The following DNAH12 variants were observed in gnomAD, a reference collection of about 807,000 sequenced individuals.
DNAH12 encodes dynein axonemal heavy chain 12.
Under a neutral mutation model 371.5 loss-of-function variants are expected in DNAH12, and 285 were observed. The observed-to-expected ratio is 0.77, with a 90% CI of 0.70 to 0.85. DNAH12 has a LOEUF of 0.85. DNAH12 is among the 40% of genes least tolerant of loss of function. The pLI is 0.00. For missense variants in DNAH12, 3,611 were observed against 3,689.4 expected (o/e 0.98, Z 0.55); for synonymous variants, 1,200 against 1,213.0 (o/e 0.99, Z 0.22).
At chr3:57,342,484 C>CTAAAAAAAAAA (rs782217736) in intron 60 of DNAH12, among the ~76,000 whole-genome samples, 1 of 66,038 alleles carries the variant, frequency 1.5e-5, no homozygotes, top group Non-Finnish European at 2.7e-5. Context: ...ACTAAAAATA[C>CTAAAAAAAAAA]AAAAAAAAAA....
chr3:57,329,620 C>G (rs1346996359), intron 62 of DNAH12, among the ~76,000 whole-genome samples: 1 of 147,418 alleles, frequency 6.8e-6, no homozygotes, highest in African/African-American at 2.6e-5. Context: ...TAGAAGAAAA[C>G]CTAGGCATTA....
At chr3:57,487,810 A>G (rs183022581) in intron 12 of DNAH12, among the ~76,000 whole-genome samples, 1 of 152,324 alleles carries the variant, frequency 6.6e-6, no homozygotes, top group East Asian at 1.9e-4. Flanking sequence ...TTCCAGAAAA[A>G]TCACAGATAC....
intron 12 of DNAH12, among the ~76,000 whole-genome samples, chr3:57,484,355 T>C (rs1272221070): frequency 1.3e-5 from 2 of 152,166 alleles, no homozygotes; most frequent in Non-Finnish European, 2.9e-5. Flanking sequence ...TCCTACAGCA[T>C]TATTCAACTA....
chr3:57,371,729 T>C (rs951234598), intron 55 of DNAH12, among the ~76,000 whole-genome samples: 43 of 149,372 alleles, frequency 2.9e-4, no homozygotes, highest in African/African-American at 1.1e-3. Context: ...ATCAAACTGC[T>C]GAAAACTAAA....
Position 57,381,810 on chromosome 3 carries a change from C to A in DNAH12, c.7992+452G>T, listed in dbSNP as rs996528380. 7.3e-3 allele frequency among the ~76,000 whole-genome samples: 1,115 copies of A among 152,106 alleles called. 13 individuals are homozygous for A. The highest frequency in any genetic ancestry group is 0.025 in the African/African-American group (1,035 of 41,494). On this transcript the variant is annotated intron_variant, in intron 50 of 73. Transcript: ENST00000495027. Reference sequence around the variant, plus strand: ...CTCAGTGTTCATTTAGTTCCAAGCCCATGGTAGTGGAGAATTCTGCATAGA... The same window carrying A: ...CTCAGTGTTCATTTAGTTCCAAGCCAATGGTAGTGGAGAATTCTGCATAGA...
chr3:57,424,192 G>A (rs902362312), intron 35 of DNAH12, among the ~76,000 whole-genome samples: 1 of 151,962 alleles, frequency 6.6e-6, no homozygotes, highest in Non-Finnish European at 1.5e-5. Context: ...ATAGTTGACC[G>A]AGCATGGTGG....
At chr3:57,498,493 T>TA (rs1230382173) in intron 11 of DNAH12, 14 of 714,334 alleles carry the variant, frequency 2.0e-5, no homozygotes, top group Non-Finnish European at 3.4e-5. Context: ...AACAGTTTCT[T>TA]AAAAAGTTAA....
At chr3:57,333,313 G>C (rs922763098) in intron 62 of DNAH12, among the ~76,000 whole-genome samples, 1 of 120,308 alleles carries the variant, frequency 8.3e-6, no homozygotes, top group African/African-American at 4.1e-5. Flanking sequence ...CCGGATACAT[G>C]TTCTTTTTAA....
At position 57,417,048 on chromosome 3, in the gene DNAH12, C is replaced by T. The variant is rs145177656; in HGVS notation, c.5715-1484G>A. Among the ~76,000 whole-genome samples, 604 of 152,128 alleles carry T rather than the reference C, an allele frequency of 4.0e-3. 2 individuals are homozygous for T. The highest frequency in any genetic ancestry group is 0.014 in the African/African-American group (572 of 41,498). On this transcript the variant is annotated intron_variant, in intron 37 of 73. Coordinates refer to ENST00000495027, the MANE Select transcript of DNAH12 (RefSeq NM_001366028.2). ...GGTGGATTACCTGAGGTCAGGAGTT[C>T]GAGACCAGCCTGACCAACATGTAGA...
Position 57,314,555 on chromosome 3 carries a change from C to T in DNAH12, c.10601G>A (p.Gly3534Asp). ...VQERKKFGPLGWNIPYGFNES... is the reference protein window; with the variant it reads ...VQERKKFGPLDWNIPYGFNES... ...ATTAAATCCATATGGAATATTCCAA[C>T]CAAGAGGACCAAATTTCTTTCTCTC... Residue 3534 changes from glycine to aspartate, a missense_variant, in exon 66 of 74, where the codon GGT becomes GAT. Transcript: ENST00000495027. 1 of 1,551,204 alleles carries T rather than the reference C, an allele frequency of 6.4e-7. No individual in the cohort carries two copies. Among genetic ancestry groups the T allele is most frequent in the South Asian group, 1.2e-5 (1 of 83,886 alleles).
At chr3:57,364,512 A>C (rs929911649) in intron 57 of DNAH12, among the ~76,000 whole-genome samples, 3 of 152,176 alleles carry the variant, frequency 2.0e-5, no homozygotes, top group African/African-American at 7.2e-5. Flanking sequence ...AAAAAAATAC[A>C]TATTTGGGGT....
chr3:57,514,872 T>C (rs925367832), intron 4 of DNAH12, among the ~76,000 whole-genome samples: 1 of 152,226 alleles, frequency 6.6e-6, no homozygotes, highest in Non-Finnish European at 1.5e-5. Flanking sequence ...TATATCCTTA[T>C]GCTAAGTACA....
chr3:57,492,756 C>A (rs531669744), intron 11 of DNAH12, among the ~76,000 whole-genome samples: 1 of 152,096 alleles, frequency 6.6e-6, no homozygotes, highest in Admixed American at 6.6e-5. Context: ...CACCTGTAAT[C>A]CCAGCATTTT....
In DNAH12 at chr3:57,322,341, A is replaced by G; in HGVS notation, c.10524+2T>C. ...TTAAAAGTTCCAAAAGATGAATATT[A>G]CCAGTTCCTTTCCACGGCATCCCTT... On this transcript the variant is annotated splice_donor_variant, in intron 65 of 73. Transcript: ENST00000495027. LOFTEE classifies it high-confidence loss of function. 6.5e-7 allele frequency: 1 copy of G among 1,550,386 alleles called. No homozygotes were observed.
At chr3:57,404,948 A>G (rs1553680502) in intron 42 of DNAH12, 21 bp downstream of exon 42, 1 of 1,464,822 alleles carries the variant, frequency 6.8e-7, no homozygotes, top group Non-Finnish European at 9.0e-7. Context: ...AATTTCAAGC[A>G]TCAACACCAT....
chr3:57,485,043 G>T (rs1224877164), intron 12 of DNAH12, among the ~76,000 whole-genome samples: 1 of 152,152 alleles, frequency 6.6e-6, no homozygotes, highest in African/African-American at 2.4e-5. Flanking sequence ...ATAGATGTTG[G>T]CATGGATGTG....
chr3:57,444,886 C>T (rs1291719589), intron 28 of DNAH12, 70 bp from the exon 29 acceptor site: 3 of 1,403,292 alleles, frequency 2.1e-6, no homozygotes, highest in Non-Finnish European at 2.8e-6. Context: ...TCCCTCCCCT[C>T]CCAGCCCCGG....
intron 49 of DNAH12, 150 bp from the exon 50 acceptor site, chr3:57,382,543 T>G (rs1034538514): frequency 2.6e-5 from 4 of 151,486 alleles, no homozygotes; most frequent in African/African-American, 7.3e-5. Flanking sequence ...TTACTTCAGG[T>G]TATGAAAGAA....
chr3:57,435,081 G>C (rs2153366866), intron 30 of DNAH12, among the ~76,000 whole-genome samples: 2 of 152,246 alleles, frequency 1.3e-5, no homozygotes. Flanking sequence ...TAAAACCTAT[G>C]AAGGATTAAT....
Sources: gnomAD v4.1 joint callset for allele counts (sites outside exome capture counted in the v4.1 genomes callset) on GRCh38, gnomAD v4.1.1 for gene constraint, MANE v1.5 for transcripts, NCBI Gene and HGNC (gene_info 2026-07-23, HGNC 2026-07-21) for gene names.